The following CCDC25 variants were observed in gnomAD, a reference collection of about 807,000 sequenced individuals.
CCDC25 encodes coiled-coil domain containing 25, also known as coiled-coil domain-containing protein 25.
In CCDC25, 16 loss-of-function variants were observed where a neutral mutation model predicts 35.3. The observed-to-expected ratio is 0.45, with a 90% CI of 0.31 to 0.69. The LOEUF is 0.69. CCDC25 is among the 30% of genes least tolerant of loss of function. The pLI, the probability that CCDC25 is intolerant of heterozygous loss-of-function variation, is 0.06. For missense variants in CCDC25, 179 were observed against 250.7 expected (o/e 0.71, Z 1.93); for synonymous variants, 79 against 80.3 (o/e 0.98, Z 0.09).
At chr8:27,758,723 T>A (rs144658024) in intron 3 of CCDC25, among the ~76,000 whole-genome samples, 25 of 152,358 alleles carry the variant, frequency 1.6e-4, no homozygotes, top group African/African-American at 5.5e-4. Flanking sequence ...TTACAACATC[T>A]TCTTCCCTAT....
At chr8:27,761,603 C>T (rs747221840) in intron 3 of CCDC25, among the ~76,000 whole-genome samples, 8 of 152,080 alleles carry the variant, frequency 5.3e-5, no homozygotes, top group Non-Finnish European at 1.0e-4. Flanking sequence ...AAGATGATAT[C>T]CCACTCCATA....
chr8:27,750,880 T>C (rs796939168), intron 5 of CCDC25, among the ~76,000 whole-genome samples: 2 of 152,322 alleles, frequency 1.3e-5, no homozygotes, highest in African/African-American at 2.4e-5. Flanking sequence ...GCACTGCAGA[T>C]GGTAAACCGG....
intron 8 of CCDC25, among the ~76,000 whole-genome samples, chr8:27,739,767 A>G (rs1266194594): frequency 3.3e-5 from 5 of 152,170 alleles, no homozygotes; most frequent in African/African-American, 1.2e-4. Flanking sequence ...TATACTATAA[A>G]ACATGCAAAA....
intron 4 of CCDC25, 102 bp downstream of exon 4, chr8:27,756,617 T>C (rs1248425714): frequency 3.9e-6 from 3 of 777,604 alleles, no homozygotes; most frequent in East Asian, 2.6e-5. Flanking sequence ...TAGATTTGCG[T>C]ACCAACTTAT....
chr8:27,737,873 T>TACACACACACAC lies in CCDC25; in HGVS notation c.598-1629_598-1628insGTGTGTGTGTGT, dbSNP rs1205509698. On this transcript the variant is annotated intron_variant, in intron 8 of 8. Coordinates refer to ENST00000356537, the MANE Select transcript of CCDC25 (RefSeq NM_018246.3). The surrounding 1 kb of genome is among the most constrained non-coding windows in gnomAD (Gnocchi z 4.6). ...GTGGATAAAGAAACTGTGGTGTGTG[T>TACACACACACAC]ATACACACACTCACACACACACACA... Among the ~76,000 whole-genome samples, 4 of 107,530 alleles carry TACACACACACAC rather than the reference T, an allele frequency of 3.7e-5. No homozygotes were observed. The highest frequency in any genetic ancestry group is 1.6e-4 in the African/African-American group (4 of 25,474). The allele number at this position is 107,530 out of a possible 152,430, so 70.5% of individuals were successfully genotyped here. A position where few individuals can be genotyped will look rare whatever the true frequency, so the allele number is the denominator to read the frequency against.
At position 27,737,779 on chromosome 8, in the gene CCDC25, CAT is replaced by C. The variant is rs1009922815; in HGVS notation, c.598-1536_598-1535del. On this transcript the variant is annotated intron_variant, in intron 8 of 8. Transcript: ENST00000356537. This position sits in a 1 kb window ranked among gnomAD's most constrained non-coding sequence, Gnocchi z 4.6. ...TATTCAAAAAAGATACTTGCACACA[CAT>C]GTTTACAGTGGCACAATTCACAATT... Among the ~76,000 whole-genome samples the C allele has an allele frequency of 8.5e-5, 13 of 152,218 alleles. No homozygotes were observed. The highest frequency in any genetic ancestry group is 2.1e-4 in the South Asian group (1 of 4,822).
At chr8:27,747,742 C>CAATAGTA (rs1207202720) in intron 7 of CCDC25, 1 of 268,244 alleles carries the variant, frequency 3.7e-6, no homozygotes, top group African/African-American at 2.3e-5. Context: ...CACAGCTAGT[C>CAATAGTA]AATAGTAAAT....
At chr8:27,748,636 G>A in intron 5 of CCDC25, 38 bp from the exon 6 acceptor site, 1 of 1,461,476 alleles carries the variant, frequency 6.8e-7, no homozygotes, top group Non-Finnish European at 9.6e-7. Flanking sequence ...CAGGCAGGAT[G>A]AGACTGAGCA....
At chr8:27,758,925 G>A (rs1804113463) in intron 3 of CCDC25, among the ~76,000 whole-genome samples, 1 of 152,028 alleles carries the variant, frequency 6.6e-6, no homozygotes. Flanking sequence ...TTTCAGGTTT[G>A]TATATGATAG....
At chr8:27,767,696 G>T (rs1005819115) in intron 1 of CCDC25, among the ~76,000 whole-genome samples, 4 of 152,196 alleles carry the variant, frequency 2.6e-5, no homozygotes, top group Admixed American at 6.5e-5. Context: ...AATAAAGCCT[G>T]TTGATTAGAT....
chr8:27,751,613 C>T (rs569454042), intron 5 of CCDC25, among the ~76,000 whole-genome samples: 1 of 152,178 alleles, frequency 6.6e-6, no homozygotes, highest in African/African-American at 2.4e-5. Flanking sequence ...GCTTTCCAAC[C>T]CTCTGGAGCA....
At chr8:27,747,832 A>G in intron 7 of CCDC25, 1 of 502,602 alleles carries the variant, frequency 2.0e-6, no homozygotes, top group South Asian at 2.4e-5. Flanking sequence ...AGGTTTCTCT[A>G]TGAATAAAAT....
Position 27,735,645 on chromosome 8 carries a change from A to G in CCDC25, c.*571T>C, listed in dbSNP as rs1455420197. On this transcript the variant is annotated 3_prime_UTR_variant, in exon 9 of 9. Coordinates refer to ENST00000356537, the MANE Select transcript of CCDC25 (RefSeq NM_018246.3). ...AGGAAGCAAGGACGTAAACGCTGGG[A>G]CAGACTGCACTGAGGGTCACTACAC... 1.3e-5 allele frequency: 2 copies of G among 152,382 alleles called. No individual in the cohort carries two copies. The highest frequency in any genetic ancestry group is 2.9e-5 in the Non-Finnish European group (2 of 68,188). 9.4% of individuals were successfully genotyped at this position (152,382 alleles called of 1,614,324 possible).
Position 27,736,035 on chromosome 8 carries a change from G to A in CCDC25, c.*181C>T. The A allele has an allele frequency of 1.7e-6, 1 of 574,772 alleles. No homozygotes were observed. The highest frequency in any genetic ancestry group is 2.4e-5 in the South Asian group (1 of 41,108). The allele number at this position is 574,772 out of a possible 1,614,324, so 35.6% of individuals were successfully genotyped here. ...AAGTTCAACTATTTTATACATATCTGATCCTTTTCTGTCAGCAAAAAAGGT... is the reference window on the plus strand; with the variant it reads ...AAGTTCAACTATTTTATACATATCTAATCCTTTTCTGTCAGCAAAAAAGGT... On this transcript the variant is annotated 3_prime_UTR_variant, in exon 9 of 9. Coordinates refer to ENST00000356537, the MANE Select transcript of CCDC25 (RefSeq NM_018246.3).
At chr8:27,760,670 C>T (rs1035511945) in intron 3 of CCDC25, among the ~76,000 whole-genome samples, 1 of 152,162 alleles carries the variant, frequency 6.6e-6, no homozygotes, top group Admixed American at 6.5e-5. Flanking sequence ...CTGTCTCAGG[C>T]CCTAGGAAGG....
intron 5 of CCDC25, among the ~76,000 whole-genome samples, 168 bp from the exon 6 acceptor site, chr8:27,748,766 A>C (rs559598233): frequency 6.6e-6 from 1 of 152,376 alleles, no homozygotes; most frequent in South Asian, 2.1e-4. Context: ...CACAAAAGGC[A>C]AATGGTAAAG....
intron 7 of CCDC25, among the ~76,000 whole-genome samples, chr8:27,741,702 C>G (rs1170350904): frequency 6.6e-6 from 1 of 151,988 alleles, no homozygotes; most frequent in Non-Finnish European, 1.5e-5. Flanking sequence ...ACAAATACAC[C>G]AAGAGACAAA....
rs181819445 is a variant in CCDC25, at chr8:27,739,269, A to G, written c.597+1203T>C. On this transcript the variant is annotated intron_variant, in intron 8 of 8. Transcript: ENST00000356537. ...AAGAAACATCTCTGATTCATAAAGG[A>G]GCCTCGTACATTTAGTTCTTCATAG... Among the ~76,000 whole-genome samples the G allele has an allele frequency of 7.6e-3, 1,160 of 152,338 alleles. 13 individuals are homozygous for G. The highest frequency in any genetic ancestry group is 0.013 in the Non-Finnish European group (857 of 68,028).
chr8:27,772,460 G>T, intron 1 of CCDC25, 53 bp downstream of exon 1: 1 of 1,538,538 alleles, frequency 6.5e-7, no homozygotes, highest in Non-Finnish European at 8.8e-7. Context: ...TGCGGGTCCC[G>T]GCTTCGGAGC....
Sources: allele counts gnomAD v4.1 joint callset (sites outside exome capture counted in the v4.1 genomes callset), GRCh38; gene constraint gnomAD v4.1.1; non-coding constraint Gnocchi (gnomAD v3.1); transcripts MANE v1.5; gene names NCBI Gene and HGNC (gene_info 2026-07-23, HGNC 2026-07-21).